The following MICU3 variants were observed in gnomAD, a reference collection of about 807,000 sequenced individuals.
The protein encoded by MICU3 is calcium uptake protein 3, mitochondrial.
Under a neutral mutation model 66.5 loss-of-function variants are expected in MICU3, and 62 were observed. The observed-to-expected ratio is 0.93, with a 90% CI of 0.76 to 1.15. The LOEUF is 1.15. Ranked by LOEUF, MICU3 falls within the 50% of genes most tolerant of loss-of-function variation. MICU3 has a pLI of 0.00. For missense variants in MICU3, 779 were observed against 664.4 expected, an observed-to-expected ratio of 1.17 and a Z score of -1.90; for synonymous variants, 308 against 240.7, an observed-to-expected ratio of 1.28 and a Z score of -2.59.
intron 3 of MICU3, among the ~76,000 whole-genome samples, chr8:17,071,173 T>TGC (rs1819531515): frequency 3.9e-5 from 6 of 152,152 alleles, no homozygotes; most frequent in Admixed American, 3.9e-4. Context: ...TCACAACTGT[T>TGC]CCATAGCATT....
the MICU3 span, among the ~76,000 whole-genome samples, chr8:17,128,433 C>A: frequency 3.3e-5 from 5 of 152,098 alleles, no homozygotes; most frequent in South Asian, 2.1e-4. Flanking sequence ...GAACTGAATA[C>A]AAAATACAGA....
At position 17,121,535 on chromosome 8, in the gene MICU3, A is replaced by T. The variant is rs1484938378; in HGVS notation, c.*1248A>T. The T allele has an allele frequency of 6.6e-6, 1 of 152,214 alleles. No homozygotes were observed. The highest frequency in any genetic ancestry group is 2.4e-5 in the African/African-American group (1 of 41,432). The allele number at this position is 152,214 out of a possible 1,614,324, so 9.4% of individuals were successfully genotyped here. A position where few individuals can be genotyped will look rare whatever the true frequency, so the allele number is the denominator to read the frequency against. The stretch of plus-strand genomic sequence containing the variant: ...CTGAATTAACGTATTTACATATTGC[A>T]TATGGAAGATAAGTTCATTTATCTT... On this transcript the variant is annotated 3_prime_UTR_variant, in exon 15 of 15. Coordinates refer to ENST00000318063, the MANE Select transcript of MICU3 (RefSeq NM_181723.3).
chr8:17,073,120 T>C (rs913169430), intron 3 of MICU3, among the ~76,000 whole-genome samples: 2 of 152,174 alleles, frequency 1.3e-5, no homozygotes, highest in African/African-American at 4.8e-5. Context: ...ATATTTACTT[T>C]TGAGTGAAAT....
intron 14 of MICU3, among the ~76,000 whole-genome samples, chr8:17,119,461 T>C (rs1215098304): frequency 6.6e-6 from 1 of 152,082 alleles, no homozygotes; most frequent in African/African-American, 2.4e-5. Context: ...ATGGAGATTT[T>C]ATTGTTGGTT....
At chr8:17,054,738 C>CTTTTTTTTTTT (rs559605289) in intron 1 of MICU3, among the ~76,000 whole-genome samples, 3 of 122,772 alleles carry the variant, frequency 2.4e-5, no homozygotes, top group East Asian at 2.6e-4. Flanking sequence ...TTCTTTCTTT[C>CTTTTTTTTTTT]TTTTTTTTTT....
chr8:17,040,727 A>T (rs981305097), intron 1 of MICU3, among the ~76,000 whole-genome samples: 1 of 152,206 alleles, frequency 6.6e-6, no homozygotes, highest in Admixed American at 6.5e-5. Context: ...TCTTATTTTT[A>T]TATAGTGGCA....
At chr8:17,033,038 T>C (rs1812360539) in intron 1 of MICU3, among the ~76,000 whole-genome samples, 1 of 152,176 alleles carries the variant, frequency 6.6e-6, no homozygotes, top group East Asian at 1.9e-4. Flanking sequence ...CTAGTCTCTT[T>C]CCCTCTTCTC....
intron 7 of MICU3, 31 bp from the exon 8 acceptor site, chr8:17,090,515 A>C: frequency 6.3e-7 from 1 of 1,595,982 alleles, no homozygotes; most frequent in Non-Finnish European, 8.5e-7. Flanking sequence ...GAAATATGAC[A>C]CTTCATTTGG....
At chr8:17,126,577 T>C (rs1464002138), downstream of MICU3, among the ~76,000 whole-genome samples, 2 of 152,224 alleles carry the variant, frequency 1.3e-5, no homozygotes, top group Non-Finnish European at 2.9e-5. Context: ...TTTAATGAGC[T>C]GTTATTGAAC....
intron 13 of MICU3, among the ~76,000 whole-genome samples, chr8:17,117,939 A>G (rs1802841243): frequency 6.6e-6 from 1 of 152,218 alleles, no homozygotes; most frequent in South Asian, 2.1e-4. Flanking sequence ...AGAAAAAGTT[A>G]TATATCCAAA....
chr8:17,124,454 G>A (rs1286906819), downstream of MICU3, among the ~76,000 whole-genome samples: 1 of 151,976 alleles, frequency 6.6e-6, no homozygotes, highest in African/African-American at 2.4e-5. Context: ...AAGGTAATAG[G>A]TAAGGTTTTG....
intron 1 of MICU3, among the ~76,000 whole-genome samples, chr8:17,037,825 C>CT (rs1813307386): frequency 6.6e-6 from 1 of 152,218 alleles, no homozygotes. Flanking sequence ...CCGTGGGAGC[C>CT]TACCTCTTGG....
At chr8:17,049,497 G>T (rs541123114) in intron 1 of MICU3, 6 of 488,522 alleles carry the variant, frequency 1.2e-5, no homozygotes, top group Non-Finnish European at 2.0e-5. Flanking sequence ...AATCTTTACA[G>T]TTTGTGGGCT....
chr8:17,110,743 G>A (rs373146713), intron 11 of MICU3, among the ~76,000 whole-genome samples: 3 of 147,598 alleles, frequency 2.0e-5, no homozygotes, highest in Non-Finnish European at 4.4e-5. Flanking sequence ...TTTTGGGGAG[G>A]GGGGGGTAGA....
intron 1 of MICU3, among the ~76,000 whole-genome samples, chr8:17,060,695 G>C (rs1437875772): frequency 6.6e-6 from 1 of 152,152 alleles, no homozygotes; most frequent in Non-Finnish European, 1.5e-5. Context: ...ATACTAAATT[G>C]AGCAGAGACA....
At chr8:17,135,589 C>G in the MICU3 span, among the ~76,000 whole-genome samples, 28 of 151,882 alleles carry the variant, frequency 1.8e-4, no homozygotes, top group African/African-American at 6.8e-4. Flanking sequence ...GTGTCTTTGC[C>G]CTATCTACAT....
chr8:17,065,219 C>T (rs1317138174), intron 2 of MICU3, among the ~76,000 whole-genome samples: 1 of 151,986 alleles, frequency 6.6e-6, no homozygotes, highest in African/African-American at 2.4e-5. Context: ...TAGACTAGAA[C>T]AATTATAGCC....
downstream of MICU3, among the ~76,000 whole-genome samples, chr8:17,126,988 G>A (rs540850751): frequency 2.2e-4 from 34 of 152,098 alleles, no homozygotes; most frequent in Non-Finnish European, 4.6e-4. Context: ...ATTCAGTATG[G>A]CATTTCCTAT....
In MICU3 at chr8:17,034,836, T is replaced by C. The variant is rs184441257; in HGVS notation, c.381+7176T>C. 1.3e-3 allele frequency among the ~76,000 whole-genome samples: 191 copies of C among 152,358 alleles called. 1 individual carries two copies. Among genetic ancestry groups the C allele is most frequent in the Admixed American group, 8.2e-3 (125 of 15,306 alleles). ...AGATGTAGTCTAATCCTGGTGAAGA[T>C]GCTGTGAACATTGTTGAAATGACAA... On this transcript the variant is annotated intron_variant, in intron 1 of 14. Transcript: ENST00000318063.
Sources: allele counts gnomAD v4.1 joint callset (sites outside exome capture counted in the v4.1 genomes callset), GRCh38; gene constraint gnomAD v4.1.1; transcripts MANE v1.5; gene names NCBI Gene and HGNC (gene_info 2026-07-23, HGNC 2026-07-21).